UQCC1: variants seen among roughly 807,000 people sequenced by gnomAD.
UQCC1 encodes bFGF-repressed Zic-binding protein.
UQCC1 carries 38 observed loss-of-function variants against 48.0 expected under a neutral mutation model. The observed-to-expected ratio is 0.79, with a 90% confidence interval of 0.61 to 1.04. The LOEUF (loss-of-function observed/expected upper bound fraction) is 1.04, where lower values mean the gene tolerates loss of function less well. Among genes scored for constraint, UQCC1 ranks in the 50% least tolerant of loss-of-function variants. UQCC1 has a pLI of 0.00. For synonymous variants in UQCC1, 111 were observed against 129.2 expected, an observed-to-expected ratio of 0.86 and a Z score of 0.95; for missense variants, 368 against 381.8, an observed-to-expected ratio of 0.96 and a Z score of 0.30.
chr20:35,376,747 G>C (rs1317001564), intron 4 of UQCC1, among the ~76,000 whole-genome samples: 1 of 152,032 alleles, frequency 6.6e-6, no homozygotes, highest in East Asian at 1.9e-4. Context: ...GGCGGATCAC[G>C]AGGTCAAGAG....
intron 1 of UQCC1, among the ~76,000 whole-genome samples, chr20:35,409,790 C>G (rs574277218): frequency 2.3e-4 from 34 of 148,274 alleles, no homozygotes; most frequent in African/African-American, 8.1e-4. Flanking sequence ...GCAAGACTAA[C>G]AAGAATGTTT....
intron 1 of UQCC1, among the ~76,000 whole-genome samples, chr20:35,400,741 C>A (rs879531508): frequency 2.0e-5 from 3 of 151,822 alleles, no homozygotes; most frequent in Non-Finnish European, 4.4e-5. Context: ...GTGATCCGCC[C>A]GCCTCGGCCT....
intron 4 of UQCC1, among the ~76,000 whole-genome samples, chr20:35,375,660 T>C (rs1026095575): frequency 1.5e-4 from 23 of 151,712 alleles, no homozygotes; most frequent in African/African-American, 5.6e-4. Context: ...ATACAGAAAA[T>C]TCAAGCCAGG....
chr20:35,374,949 T>G (rs1158514320), intron 4 of UQCC1, among the ~76,000 whole-genome samples: 1 of 152,130 alleles, frequency 6.6e-6, no homozygotes, highest in Admixed American at 6.5e-5. Context: ...AAATTATGCC[T>G]TAATAAAAAT....
At chr20:35,343,815 G>A (rs1286355397) in intron 7 of UQCC1, among the ~76,000 whole-genome samples, 2 of 152,146 alleles carry the variant, frequency 1.3e-5, no homozygotes, top group Non-Finnish European at 2.9e-5. Context: ...TTTCAGAACT[G>A]TAGATTTTCT....
intron 8 of UQCC1, among the ~76,000 whole-genome samples, chr20:35,312,179 C>T (rs1167707025): frequency 6.6e-6 from 1 of 152,144 alleles, no homozygotes; most frequent in Non-Finnish European, 1.5e-5. Flanking sequence ...TGTAAGGCTT[C>T]TACAATTACA....
chr20:35,309,419 T>C (rs1181710033), intron 8 of UQCC1, among the ~76,000 whole-genome samples: 1 of 150,402 alleles, frequency 6.6e-6, no homozygotes, highest in African/African-American at 2.5e-5. Context: ...GGCAACAGAG[T>C]GAGACCCTGT....
intron 6 of UQCC1, among the ~76,000 whole-genome samples, chr20:35,348,811 G>A (rs899874414): frequency 1.3e-4 from 20 of 152,196 alleles, no homozygotes; most frequent in South Asian, 6.2e-4. Flanking sequence ...GCACCACCAC[G>A]CCCAGCTAAT....
At chr20:35,326,758 C>T (rs959080620) in intron 7 of UQCC1, among the ~76,000 whole-genome samples, 3 of 152,228 alleles carry the variant, frequency 2.0e-5, no homozygotes, top group Non-Finnish European at 4.4e-5. Flanking sequence ...CGCAGAAAAG[C>T]TGCAGGCACT....
At chr20:35,404,139 T>C (rs2062211308) in intron 1 of UQCC1, among the ~76,000 whole-genome samples, 1 of 151,766 alleles carries the variant, frequency 6.6e-6, no homozygotes, top group Non-Finnish European at 1.5e-5. Flanking sequence ...CCCAGCACTT[T>C]GGGAAGCCGA....
At chr20:35,373,706 A>G (rs1205010399) in intron 5 of UQCC1, among the ~76,000 whole-genome samples, 1 of 151,672 alleles carries the variant, frequency 6.6e-6, no homozygotes, top group Admixed American at 6.6e-5. Context: ...AAAAAAAAAA[A>G]ACCATCCAGA....
intron 4 of UQCC1, among the ~76,000 whole-genome samples, chr20:35,375,940 C>A (rs1325794159): frequency 2.1e-5 from 2 of 97,324 alleles, no homozygotes; most frequent in Non-Finnish European, 3.7e-5. Flanking sequence ...CAGAGCTGGA[C>A]CTTGCCTAAA....
chr20:35,367,105 A>AC (rs2061677564), intron 5 of UQCC1, among the ~76,000 whole-genome samples: 2 of 150,562 alleles, frequency 1.3e-5, no homozygotes, highest in South Asian at 2.1e-4. Flanking sequence ...AAAAAAAAAA[A>AC]AAAACAAACA....
At chr20:35,314,547 T>A in intron 8 of UQCC1, 141 bp downstream of exon 8, 1 of 573,684 alleles carries the variant, frequency 1.7e-6, no homozygotes. Context: ...CGCTGCCCAG[T>A]TGATGAATAT....
At chr20:35,352,444 T>A (rs529963533) in intron 6 of UQCC1, among the ~76,000 whole-genome samples, 1 of 152,296 alleles carries the variant, frequency 6.6e-6, no homozygotes, top group East Asian at 1.9e-4. Flanking sequence ...CTCTGAGAAG[T>A]TAACCTTTTC....
chr20:35,335,917 C>T (rs1188200248), intron 7 of UQCC1, among the ~76,000 whole-genome samples: 1 of 152,180 alleles, frequency 6.6e-6, no homozygotes, highest in Non-Finnish European at 1.5e-5. Context: ...GTGGCTTATG[C>T]CCAGCACTTT....
intron 7 of UQCC1, chr20:35,346,203 C>G (rs548735527): frequency 6.6e-6 from 1 of 152,276 alleles, no homozygotes; most frequent in African/African-American, 2.4e-5. Flanking sequence ...AATCAGCAGA[C>G]ATGGGCAGGG....
intron 1 of UQCC1, among the ~76,000 whole-genome samples, chr20:35,405,644 T>C (rs1436702426): frequency 2.0e-5 from 3 of 152,186 alleles, no homozygotes; most frequent in Non-Finnish European, 4.4e-5. Context: ...TCCCAGCACT[T>C]TGGGAGGCCA....
chr20:35,405,748 CGT>C (rs1395722278), intron 1 of UQCC1, among the ~76,000 whole-genome samples: 1 of 152,050 alleles, frequency 6.6e-6, no homozygotes, highest in Non-Finnish European at 1.5e-5. Context: ...ATTAGCCGGG[CGT>C]GGTGGCAGGC....
Sources: allele counts gnomAD v4.1 joint callset (sites outside exome capture counted in the v4.1 genomes callset), GRCh38; gene constraint gnomAD v4.1.1; transcripts MANE v1.5; gene names NCBI Gene and HGNC (gene_info 2026-07-23, HGNC 2026-07-21).